PRKD1: variants seen among roughly 807,000 people sequenced by gnomAD.
PRKD1 encodes protein kinase D1.
A neutral mutation model predicts 95.9 loss-of-function variants in PRKD1; 63 were observed. That is an observed-to-expected ratio of 0.66 (90% CI 0.54 to 0.81). The LOEUF is 0.81. Ranked by LOEUF, PRKD1 falls within the 30% of genes least tolerant of loss-of-function variation. The probability of loss-of-function intolerance (pLI) is 0.00; values close to 1 mark genes in which losing one functional copy is unlikely to be tolerated. For missense variants in PRKD1, 1,048 were observed against 1,165.3 expected, an observed-to-expected ratio of 0.90 and a Z score of 1.47; for synonymous variants, 425 against 423.1, an observed-to-expected ratio of 1.00 and a Z score of -0.05.
chr14:29,648,886 C>T (rs1881313023), intron 4 of PRKD1, among the ~76,000 whole-genome samples: 1 of 152,096 alleles, frequency 6.6e-6, no homozygotes, highest in Admixed American at 6.5e-5. Flanking sequence ...GATTTCCTGA[C>T]CTCGTGATCC....
intron 1 of PRKD1, among the ~76,000 whole-genome samples, chr14:29,843,164 T>C (rs1277914329): frequency 6.6e-6 from 1 of 152,134 alleles, no homozygotes; most frequent in Non-Finnish European, 1.5e-5. Context: ...CCAATATGAA[T>C]GGTGTCTTTA....
intron 2 of PRKD1, among the ~76,000 whole-genome samples, chr14:29,680,094 G>C (rs1243856697): frequency 2.6e-5 from 4 of 152,130 alleles, no homozygotes; most frequent in Non-Finnish European, 5.9e-5. Context: ...GTCACTGGTG[G>C]ACAACTTTAG....
chr14:29,852,553 A>C (rs189693676), intron 1 of PRKD1, among the ~76,000 whole-genome samples: 1 of 151,848 alleles, frequency 6.6e-6, no homozygotes, highest in East Asian at 1.9e-4. Context: ...AGAGAGAGAG[A>C]GAAAGAGAGG....
At chr14:29,917,397 T>C (rs1205610116) in intron 1 of PRKD1, among the ~76,000 whole-genome samples, 3 of 152,200 alleles carry the variant, frequency 2.0e-5, no homozygotes, top group African/African-American at 7.2e-5. Context: ...CTTTGATTCT[T>C]AAGAAAGTTT....
At chr14:29,711,282 C>T (rs1021422668) in intron 2 of PRKD1, among the ~76,000 whole-genome samples, 2 of 151,998 alleles carry the variant, frequency 1.3e-5, no homozygotes, top group African/African-American at 4.8e-5. Context: ...CAGGACTATG[C>T]TAATTAGTGT....
chr14:29,773,272 C>T (rs1037288994), intron 1 of PRKD1, among the ~76,000 whole-genome samples: 2 of 151,964 alleles, frequency 1.3e-5, no homozygotes, highest in African/African-American at 4.8e-5. Flanking sequence ...ACCAGCCTGG[C>T]CAACATGTCA....
chr14:29,599,839 C>T (rs1260984886), intron 13 of PRKD1, 22 bp from the exon 14 acceptor site: 6 of 1,591,112 alleles, frequency 3.8e-6, no homozygotes, highest in Non-Finnish European at 5.1e-6. Context: ...AAATAAAGCA[C>T]TTGAAGAAAA....
chr14:29,669,452 T>C (rs75821840), intron 2 of PRKD1, among the ~76,000 whole-genome samples: 1 of 142,488 alleles, frequency 7.0e-6, no homozygotes, highest in African/African-American at 2.9e-5. Flanking sequence ...GCTGTGGGCA[T>C]TTTTTTTTTC....
intron 1 of PRKD1, among the ~76,000 whole-genome samples, chr14:29,781,594 A>G (rs1227487739): frequency 2.6e-5 from 4 of 152,244 alleles, no homozygotes; most frequent in East Asian, 1.9e-4. Flanking sequence ...GAAGACTGGA[A>G]AGACGTTTTC....
intron 2 of PRKD1, among the ~76,000 whole-genome samples, chr14:29,685,033 G>A (rs1208479029): frequency 6.6e-6 from 1 of 152,158 alleles, no homozygotes; most frequent in African/African-American, 2.4e-5. Context: ...CTTCTTTGGT[G>A]TAATGTTTAG....
chr14:29,701,984 T>C (rs1159514905), intron 2 of PRKD1, among the ~76,000 whole-genome samples: 3 of 152,290 alleles, frequency 2.0e-5, no homozygotes, highest in South Asian at 4.1e-4. Context: ...TCAAATGAAA[T>C]AAATTCCTTT....
rs532250831 is a variant in PRKD1, at chr14:29,773,907, G to A, written c.265-48233C>T. On this transcript the variant is annotated intron_variant, in intron 1 of 17. Transcript: ENST00000331968. The stretch of plus-strand genomic sequence containing the variant: ...GTGACACTGTGGCTTCTACCCTCCA[G>A]GACCTCATTCTCCAAGTTAGATACA... 2.0e-5 allele frequency among the ~76,000 whole-genome samples: 3 copies of A among 152,246 alleles called. No homozygotes were observed. In the East Asian group the frequency reaches 5.8e-4, roughly 29 times the overall value.
chr14:29,841,963 T>C (rs1428271128), intron 1 of PRKD1, among the ~76,000 whole-genome samples: 1 of 152,102 alleles, frequency 6.6e-6, no homozygotes, highest in South Asian at 2.1e-4. Flanking sequence ...ACTTTTAAAA[T>C]TTTTTGTTAA....
At chr14:29,856,952 T>A (rs1892529401) in intron 1 of PRKD1, among the ~76,000 whole-genome samples, 1 of 152,192 alleles carries the variant, frequency 6.6e-6, no homozygotes, top group Admixed American at 6.5e-5. Context: ...AGTCACTTAT[T>A]TCTGGGACAG....
intron 1 of PRKD1, among the ~76,000 whole-genome samples, chr14:29,815,601 G>C (rs915373456): frequency 2.6e-5 from 4 of 152,214 alleles, no homozygotes; most frequent in South Asian, 2.1e-4. Flanking sequence ...AACACATCTT[G>C]TAACATCCAC....
intron 2 of PRKD1, among the ~76,000 whole-genome samples, chr14:29,677,399 T>A (rs1414220787): frequency 6.6e-6 from 1 of 152,166 alleles, no homozygotes; most frequent in Non-Finnish European, 1.5e-5. Context: ...TTTAGATCAA[T>A]CAGAATCCAG....
chr14:29,848,307 C>T (rs1295979346), intron 1 of PRKD1, among the ~76,000 whole-genome samples: 2 of 152,006 alleles, frequency 1.3e-5, no homozygotes, highest in Non-Finnish European at 2.9e-5. Flanking sequence ...TCTCTCAAAA[C>T]CCTTTCCATC....
intron 1 of PRKD1, among the ~76,000 whole-genome samples, chr14:29,899,307 T>C (rs1894239883): frequency 6.6e-6 from 1 of 152,132 alleles, no homozygotes; most frequent in Non-Finnish European, 1.5e-5. Context: ...AAACACATAA[T>C]CTATTTTGTA....
chr14:29,787,342 C>G (rs1016282626), intron 1 of PRKD1, among the ~76,000 whole-genome samples: 5 of 150,296 alleles, frequency 3.3e-5, no homozygotes, highest in South Asian at 2.1e-4. Context: ...CTGTTAGATC[C>G]GTTTGGTTTA....
Sources: gnomAD v4.1 joint callset for allele counts (sites outside exome capture counted in the v4.1 genomes callset) on GRCh38, gnomAD v4.1.1 for gene constraint, MANE v1.5 for transcripts, NCBI Gene and HGNC (gene_info 2026-07-23, HGNC 2026-07-21) for gene names.